Variants in CCDC169 observed in about 807,000 individuals in gnomAD.
The protein encoded by CCDC169 is coiled-coil domain-containing protein 169.
Under a neutral mutation model 36.0 loss-of-function variants are expected in CCDC169, and 30 were observed. That is an observed-to-expected ratio of 0.83 (90% CI 0.62 to 1.13). The LOEUF is 1.13. Ranked by LOEUF, CCDC169 falls within the 50% of genes most tolerant of loss-of-function variation. The pLI, the probability that CCDC169 is intolerant of heterozygous loss-of-function variation, is 0.00. For missense variants in CCDC169, 245 were observed against 245.9 expected, an observed-to-expected ratio of 1.00 and a Z score of 0.03; for synonymous variants, 85 against 81.5, an observed-to-expected ratio of 1.04 and a Z score of -0.23.
chr13:36,236,683 T>C (rs1046920211), intron 7 of CCDC169, among the ~76,000 whole-genome samples: 2 of 152,066 alleles, frequency 1.3e-5, no homozygotes, highest in Admixed American at 6.5e-5. Flanking sequence ...ATACCATCCA[T>C]AGAATGGGAA....
At chr13:36,224,860 C>T (rs1334326893), downstream of CCDC169, 2 of 152,006 alleles carry the variant, frequency 1.3e-5, no homozygotes, top group Non-Finnish European at 2.9e-5. Flanking sequence ...AGGAAAAAGC[C>T]AGTGGCAACA....
chr13:36,288,239 C>A (rs1238921725), intron 2 of CCDC169, among the ~76,000 whole-genome samples: 2 of 152,078 alleles, frequency 1.3e-5, no homozygotes, highest in Non-Finnish European at 2.9e-5. Flanking sequence ...TGGTCTCGAT[C>A]TTCTGACCTC....
chr13:36,242,925 G>A (rs1872015952), intron 7 of CCDC169, among the ~76,000 whole-genome samples: 1 of 152,164 alleles, frequency 6.6e-6, no homozygotes, highest in African/African-American at 2.4e-5. Flanking sequence ...TTGGCACCCA[G>A]GTGATCTACT....
At chr13:36,228,959 C>T (rs572850603), downstream of CCDC169, among the ~76,000 whole-genome samples, 1 of 152,320 alleles carries the variant, frequency 6.6e-6, no homozygotes, top group Admixed American at 6.5e-5. Context: ...CTTCTTTGCA[C>T]TGACTGGTAG....
chr13:36,244,143 G>A (rs895190618), intron 7 of CCDC169, among the ~76,000 whole-genome samples: 5 of 152,170 alleles, frequency 3.3e-5, no homozygotes, highest in African/African-American at 1.2e-4. Flanking sequence ...AGTCAACATA[G>A]CAGGCTTTAG....
intron 4 of CCDC169, among the ~76,000 whole-genome samples, chr13:36,255,389 T>C (rs9546909): frequency 0.41 from 61,645 of 152,010 alleles, 13,281 homozygotes; most frequent in Non-Finnish European, 0.48. Context: ...TGCTCCCTGG[T>C]GTGGTGGCTC....
downstream of CCDC169, among the ~76,000 whole-genome samples, chr13:36,227,990 A>T (rs1870036250): frequency 6.6e-6 from 1 of 152,222 alleles, no homozygotes; most frequent in Non-Finnish European, 1.5e-5. Flanking sequence ...GTTGCAGCAT[A>T]TATCAGCATT....
At chr13:36,232,805 ATG>A (rs1870588401) in intron 7 of CCDC169, among the ~76,000 whole-genome samples, 1 of 152,154 alleles carries the variant, frequency 6.6e-6, no homozygotes, top group Non-Finnish European at 1.5e-5. Flanking sequence ...AGGCTGAGAC[ATG>A]AGAATCACTT....
At chr13:36,262,426 C>T (rs1404581066) in intron 4 of CCDC169, among the ~76,000 whole-genome samples, 1 of 152,198 alleles carries the variant, frequency 6.6e-6, no homozygotes, top group Non-Finnish European at 1.5e-5. Flanking sequence ...TAGTCTCCTA[C>T]TGGCCCTGTC....
At chr13:36,250,392 T>C (rs936480214) in intron 6 of CCDC169, among the ~76,000 whole-genome samples, 1 of 152,194 alleles carries the variant, frequency 6.6e-6, no homozygotes, top group African/African-American at 2.4e-5. Flanking sequence ...CTCTGGGTAA[T>C]GCAAACTGAA....
In CCDC169 at chr13:36,283,316, A is replaced by G. The variant is rs1877766517; in HGVS notation, c.315+153T>C. 7 of 734,212 alleles carry G rather than the reference A, an allele frequency of 9.5e-6. No homozygotes were observed. The East Asian group carries it at 1.9e-4, about 20-fold the overall frequency. The allele number at this position is 734,212 out of a possible 1,614,324, so 45.5% of individuals were successfully genotyped here. A position where few individuals can be genotyped will look rare whatever the true frequency, so the allele number is the denominator to read the frequency against. On this transcript the variant is annotated intron_variant, in intron 4 of 7. Coordinates refer to ENST00000239859, the MANE Select transcript of CCDC169 (RefSeq NM_001144981.3). ...TTAGTGCTCCACCTATAGCTACTCA[A>G]AAATTATTTGTTGTCCTTCAAACAG... is the stretch of plus-strand genomic sequence containing the variant.
intron 4 of CCDC169, chr13:36,281,170 G>A (rs1437167055): frequency 1.5e-5 from 6 of 391,688 alleles, no homozygotes; most frequent in Non-Finnish European, 2.5e-5. Context: ...ACTCACAAAT[G>A]GATGGCAGAG....
At chr13:36,236,492 A>G (rs1871097286) in intron 7 of CCDC169, among the ~76,000 whole-genome samples, 1 of 152,054 alleles carries the variant, frequency 6.6e-6, no homozygotes, top group Admixed American at 6.5e-5. Context: ...ATATACAAAA[A>G]TGAACTCAAA....
chr13:36,269,477 A>AC (rs1875762098), intron 4 of CCDC169, among the ~76,000 whole-genome samples: 1 of 152,158 alleles, frequency 6.6e-6, no homozygotes, highest in Non-Finnish European at 1.5e-5. Context: ...CAAAAAAAGA[A>AC]AACTACAGAC....
intron 4 of CCDC169, among the ~76,000 whole-genome samples, chr13:36,265,710 T>C (rs961254322): frequency 2.6e-5 from 4 of 152,234 alleles, no homozygotes; most frequent in Non-Finnish European, 5.9e-5. Flanking sequence ...AAGTTTTTAT[T>C]TGGTCTTTTC....
Position 36,230,956 on chromosome 13 carries a change from A to C in CCDC169, c.*237T>G. 1 of 1,221,544 alleles carries C rather than the reference A, an allele frequency of 8.2e-7. No homozygotes were observed. Among genetic ancestry groups the C allele is most frequent in the Non-Finnish European group, 1.0e-6 (1 of 979,218 alleles). 75.7% of individuals were successfully genotyped at this position (1,221,544 alleles called of 1,614,324 possible). A position where few individuals can be genotyped will look rare whatever the true frequency, so the allele number is the denominator to read the frequency against. ...AGCAAGTGTAATGATGCCAGCCTTC[A>C]GATTCCCTAGGATATTTTAAAACTC... On this transcript the variant is annotated 3_prime_UTR_variant, in exon 8 of 8. Coordinates refer to ENST00000239859, the MANE Select transcript of CCDC169 (RefSeq NM_001144981.3).
intron 2 of CCDC169, among the ~76,000 whole-genome samples, chr13:36,286,672 A>G (rs935996528): frequency 6.6e-6 from 1 of 151,940 alleles, no homozygotes; most frequent in African/African-American, 2.4e-5. Context: ...CTCAGAAGCC[A>G]TCTACAGCCC....
chr13:36,282,126 ATGTC>A (rs67666140), intron 4 of CCDC169, among the ~76,000 whole-genome samples: 50,670 of 151,784 alleles, frequency 0.33, 9,250 homozygotes, highest in Non-Finnish European at 0.42. Flanking sequence ...TTTCATAAGT[ATGTC>A]TGTACAGATT....
At chr13:36,224,374 T>G (rs1869754274), downstream of CCDC169, 1 of 151,974 alleles carries the variant, frequency 6.6e-6, no homozygotes. Context: ...ACCCTATACA[T>G]AGAAAACCCT....
Sources: allele counts gnomAD v4.1 joint callset (sites outside exome capture counted in the v4.1 genomes callset), GRCh38; gene constraint gnomAD v4.1.1; transcripts MANE v1.5; gene names NCBI Gene and HGNC (gene_info 2026-07-23, HGNC 2026-07-21).